GMDS: variants seen among roughly 807,000 people sequenced by gnomAD.
The protein encoded by GMDS is GDP-mannose 4,6-dehydratase.
GMDS carries 20 observed loss-of-function variants against 49.9 expected under a neutral mutation model. The ratio of observed to expected loss-of-function variants is 0.40; its 90% CI spans 0.28 to 0.58. The LOEUF is 0.58. Ranked by LOEUF, GMDS falls within the 20% of genes least tolerant of loss-of-function variation. The pLI is 0.42. For synonymous variants in GMDS, 177 were observed against 178.6 expected, an observed-to-expected ratio of 0.99 and a Z score of 0.07; for missense variants, 362 against 481.4, an observed-to-expected ratio of 0.75 and a Z score of 2.32.
intron 9 of GMDS, among the ~76,000 whole-genome samples, chr6:1,653,285 G>A (rs982623999): frequency 6.6e-6 from 1 of 152,162 alleles, no homozygotes; most frequent in Non-Finnish European, 1.5e-5. Flanking sequence ...GCCTTCAAAT[G>A]CAAGTTGCAA....
intron 7 of GMDS, among the ~76,000 whole-genome samples, chr6:1,754,399 AC>A (rs1019655428): frequency 6.6e-6 from 1 of 151,862 alleles, no homozygotes; most frequent in African/African-American, 2.4e-5. Flanking sequence ...ATACCTATCA[AC>A]CAAAAAAGTC....
Position 1,878,302 on chromosome 6 carries a change from G to A in GMDS, c.771+51801C>T, listed in dbSNP as rs560279709. Among the ~76,000 whole-genome samples the A allele has an allele frequency of 5.4e-3, 598 of 110,916 alleles. 1 individual carries two copies. Among genetic ancestry groups the A allele is most frequent in the Middle Eastern group, 9.6e-3 (1 of 104 alleles). The allele number at this position is 110,916 out of a possible 152,430, so 72.8% of individuals were successfully genotyped here. A position where few individuals can be genotyped will look rare whatever the true frequency, so the allele number is the denominator to read the frequency against. ...TGCACTCCAGCCTGGGTGACAGAGC[G>A]AGAATCCATCTCAAAAAAAAAAAAA... is the stretch of plus-strand genomic sequence containing the variant. On this transcript the variant is annotated intron_variant, in intron 7 of 10. Transcript: ENST00000380815.
chr6:2,111,164 G>T (rs1774522915), intron 4 of GMDS, among the ~76,000 whole-genome samples: 2 of 152,238 alleles, frequency 1.3e-5, no homozygotes, highest in Non-Finnish European at 2.9e-5. Context: ...AAACAATTAA[G>T]CAACACTATT....
rs532294787 is a variant in GMDS, at chr6:1,624,323, C to T, written c.1057-92G>A. 112 of 1,333,598 alleles carry T rather than the reference C, an allele frequency of 8.4e-5. No individual in the cohort carries two copies. In the African/African-American group the frequency reaches 1.4e-3, roughly 16 times the overall value. 82.6% of individuals were successfully genotyped at this position (1,333,598 alleles called of 1,614,324 possible). Reference sequence around the variant, plus strand: ...GGTGTCGGCCCCAGAGAGGCCTCCGCGTCCCTCGTTCCAGCTCCCCTCACT... The same window carrying T: ...GGTGTCGGCCCCAGAGAGGCCTCCGTGTCCCTCGTTCCAGCTCCCCTCACT... On this transcript the variant is annotated intron_variant, in intron 10 of 10. Transcript: ENST00000380815.
intron 7 of GMDS, among the ~76,000 whole-genome samples, chr6:1,865,627 A>G (rs1758405940): frequency 6.6e-6 from 1 of 152,198 alleles, no homozygotes; most frequent in South Asian, 2.1e-4. Context: ...AGGTTAAAAA[A>G]GAAAAAAAGA....
intron 1 of GMDS, among the ~76,000 whole-genome samples, chr6:2,228,656 G>C (rs1455763370): frequency 6.6e-6 from 1 of 152,210 alleles, no homozygotes; most frequent in Non-Finnish European, 1.5e-5. Flanking sequence ...TTCTCTGTAG[G>C]AAGGGCATTC....
At chr6:1,642,774 G>A (rs1253375478) in intron 9 of GMDS, among the ~76,000 whole-genome samples, 2 of 152,204 alleles carry the variant, frequency 1.3e-5, no homozygotes, top group South Asian at 2.1e-4. Flanking sequence ...CCATGTGGGC[G>A]ACAGGCAAGC....
chr6:2,086,938 A>G lies in GMDS; in HGVS notation c.345+28833T>C, dbSNP rs1319196683. ...GTCCTCCATAGACCCAAGAGTTTCC[A>G]TAAGAGAAATCACTTGGAAAATCAC... On this transcript the variant is annotated intron_variant, in intron 4 of 10. Coordinates refer to ENST00000380815, the MANE Select transcript of GMDS (RefSeq NM_001500.4). Among the ~76,000 whole-genome samples the G allele has an allele frequency of 2.0e-5, 3 of 152,372 alleles. No homozygotes were observed. In the East Asian group the frequency reaches 5.8e-4, roughly 29 times the overall value.
intron 9 of GMDS, among the ~76,000 whole-genome samples, chr6:1,628,044 C>A (rs1313125602): frequency 6.6e-6 from 1 of 152,210 alleles, no homozygotes; most frequent in African/African-American, 2.4e-5. Context: ...TTCATTTGAC[C>A]TTCGGGAGTT....
intron 4 of GMDS, among the ~76,000 whole-genome samples, chr6:2,027,750 A>G (rs528233585): frequency 2.3e-3 from 348 of 152,348 alleles, no homozygotes; most frequent in African/African-American, 8.1e-3. Context: ...TACATTTCAT[A>G]AAGTTTATGA....
intron 1 of GMDS, among the ~76,000 whole-genome samples, chr6:2,165,119 C>T (rs946899995): frequency 6.6e-6 from 1 of 152,148 alleles, no homozygotes; most frequent in Non-Finnish European, 1.5e-5. Context: ...CTTCTAGAAA[C>T]CCCAGAATCA....
chr6:2,088,017 CTTATT>C (rs1773110387), intron 4 of GMDS, among the ~76,000 whole-genome samples: 1 of 151,850 alleles, frequency 6.6e-6, no homozygotes, highest in African/African-American at 2.4e-5. Context: ...TCAGCATTTA[CTTATT>C]TTATTTGTCT....
chr6:2,221,711 G>A lies in GMDS; in HGVS notation c.102+23610C>T, dbSNP rs11963563. Among the ~76,000 whole-genome samples, 420 of 152,226 alleles carry A rather than the reference G, an allele frequency of 2.8e-3. 2 individuals are homozygous for A. Among genetic ancestry groups the A allele is most frequent in the African/African-American group, 7.7e-3 (318 of 41,538 alleles). On this transcript the variant is annotated intron_variant, in intron 1 of 10. Coordinates refer to ENST00000380815, the MANE Select transcript of GMDS (RefSeq NM_001500.4). Reference sequence around the variant, plus strand: ...CCTTAAAATGTTCTTTTAACAAAGGGATTTTAGTGAATTTTGCAACATGAG... The same window carrying A: ...CCTTAAAATGTTCTTTTAACAAAGGAATTTTAGTGAATTTTGCAACATGAG...
Position 2,183,543 on chromosome 6 carries a change from G to C in GMDS, c.103-58812C>G, listed in dbSNP as rs940855910. ...AATCTACTCCTGGTGAAGATGCTAT[G>C]AACATTGTTGAAATAGCAACAAAGA... On this transcript the variant is annotated intron_variant, in intron 1 of 10. Transcript: ENST00000380815. Among the ~76,000 whole-genome samples the C allele has an allele frequency of 2.0e-5, 3 of 152,332 alleles. No individual in the cohort carries two copies. In the East Asian group the frequency reaches 5.8e-4, roughly 29 times the overall value.
intron 8 of GMDS, among the ~76,000 whole-genome samples, chr6:1,733,064 C>T (rs780537521): frequency 6.6e-6 from 1 of 152,182 alleles, no homozygotes; most frequent in Non-Finnish European, 1.5e-5. Flanking sequence ...CGCTACAGAC[C>T]CAGCACTTCC....
chr6:1,656,329 G>A (rs894733649), intron 9 of GMDS, among the ~76,000 whole-genome samples: 2 of 152,066 alleles, frequency 1.3e-5, no homozygotes, highest in Non-Finnish European at 2.9e-5. Context: ...TCTTTTTCAC[G>A]CTGTTCACCA....
intron 7 of GMDS, among the ~76,000 whole-genome samples, chr6:1,764,087 G>GAAGAAACCCCC (rs1768258914): frequency 6.6e-6 from 1 of 151,844 alleles, no homozygotes; most frequent in Non-Finnish European, 1.5e-5. Flanking sequence ...AAGAGTGAAG[G>GAAGAAACCCCC]AGCGAAGAAA....
chr6:2,048,083 T>C (rs1252896228), intron 4 of GMDS, among the ~76,000 whole-genome samples: 2 of 152,212 alleles, frequency 1.3e-5, no homozygotes, highest in Admixed American at 1.3e-4. Flanking sequence ...TATTCATGTG[T>C]ACACATTCTC....
intron 7 of GMDS, among the ~76,000 whole-genome samples, chr6:1,841,807 G>C (rs1757164221): frequency 6.6e-6 from 1 of 152,172 alleles, no homozygotes; most frequent in African/African-American, 2.4e-5. Context: ...AGTGGCTGGA[G>C]GACACGTGAC....
Sources: gnomAD v4.1 joint callset for allele counts (sites outside exome capture counted in the v4.1 genomes callset) on GRCh38, gnomAD v4.1.1 for gene constraint, MANE v1.5 for transcripts, NCBI Gene and HGNC (gene_info 2026-07-23, HGNC 2026-07-21) for gene names.